Variants in OPCML observed in about 807,000 individuals in gnomAD.
OPCML encodes the protein opioid-binding protein/cell adhesion molecule.
Under a neutral mutation model 37.8 loss-of-function variants are expected in OPCML, and 13 were observed. The ratio of observed to expected loss-of-function variants is 0.34; its 90% confidence interval spans 0.22 to 0.55. The LOEUF is 0.55. Ranked by LOEUF, OPCML falls within the 20% of genes least tolerant of loss-of-function variation. OPCML has a pLI of 0.91. For missense variants in OPCML, 341 were observed against 435.6 expected (o/e 0.78, Z 1.93); for synonymous variants, 176 against 168.8 (o/e 1.04, Z -0.33).
intron 4 of OPCML, among the ~76,000 whole-genome samples, chr11:132,490,967 C>T (rs530172443): frequency 9.1e-4 from 138 of 152,276 alleles, no homozygotes; most frequent in African/African-American, 3.2e-3. Flanking sequence ...TACATGTGCA[C>T]AGGAACTCAG....
intron 1 of OPCML, among the ~76,000 whole-genome samples, chr11:133,204,556 A>G (rs1358528197): frequency 6.6e-6 from 1 of 152,184 alleles, no homozygotes; most frequent in East Asian, 1.9e-4. Flanking sequence ...AACCCACAAC[A>G]GAACTATGCA....
At chr11:132,813,402 T>C (rs1442369369) in intron 2 of OPCML, among the ~76,000 whole-genome samples, 1 of 152,224 alleles carries the variant, frequency 6.6e-6, no homozygotes, top group African/African-American at 2.4e-5. Flanking sequence ...CAAAAGTTCC[T>C]TTAATTCTGC....
chr11:133,223,024 G>T (rs985071570), intron 1 of OPCML, among the ~76,000 whole-genome samples: 1 of 152,216 alleles, frequency 6.6e-6, no homozygotes, highest in East Asian at 1.9e-4. Context: ...AACCATGGGT[G>T]CAAGAAGCAG....
intron 1 of OPCML, among the ~76,000 whole-genome samples, chr11:133,278,652 G>C (rs573821278): frequency 1.3e-5 from 2 of 152,000 alleles, no homozygotes; most frequent in Non-Finnish European, 2.9e-5. Context: ...ACTGCAGATA[G>C]TAGAAAGCCC....
At chr11:133,229,912 G>A (rs941558021) in intron 1 of OPCML, among the ~76,000 whole-genome samples, 2 of 152,190 alleles carry the variant, frequency 1.3e-5, no homozygotes, top group African/African-American at 4.8e-5. Flanking sequence ...TGTACATGTG[G>A]CGTGAATACA....
chr11:132,876,271 A>T (rs1943007132), intron 2 of OPCML, among the ~76,000 whole-genome samples: 1 of 152,190 alleles, frequency 6.6e-6, no homozygotes, highest in Non-Finnish European at 1.5e-5. Flanking sequence ...TCACAGAAGG[A>T]GGGGCAATTT....
intron 1 of OPCML, among the ~76,000 whole-genome samples, chr11:133,114,890 G>A (rs1488989557): frequency 2.6e-5 from 4 of 152,138 alleles, no homozygotes; most frequent in Admixed American, 6.5e-5. Context: ...TAGATGTTTT[G>A]TTGTACATTA....
intron 2 of OPCML, among the ~76,000 whole-genome samples, chr11:132,726,188 A>C (rs745922402): frequency 5.3e-5 from 8 of 152,224 alleles, no homozygotes; most frequent in Non-Finnish European, 7.3e-5. Context: ...AAAGACAGAC[A>C]TGAGACTGGG....
At chr11:133,482,630 C>T (rs1198399324) in intron 1 of OPCML, among the ~76,000 whole-genome samples, 3 of 151,988 alleles carry the variant, frequency 2.0e-5, no homozygotes, top group Non-Finnish European at 4.4e-5. Context: ...TCTGTCACCA[C>T]TGAAATCAGC....
intron 2 of OPCML, among the ~76,000 whole-genome samples, chr11:132,660,077 C>T (rs536683846): frequency 7.0e-4 from 106 of 152,206 alleles, no homozygotes; most frequent in South Asian, 5.8e-3. Flanking sequence ...GAGCACATTT[C>T]GTTAAGCAAT....
chr11:133,261,745 G>A (rs1941501855), intron 1 of OPCML, among the ~76,000 whole-genome samples: 1 of 152,220 alleles, frequency 6.6e-6, no homozygotes, highest in Non-Finnish European at 1.5e-5. Flanking sequence ...AGGAGAGGGG[G>A]AGAGAGAAGA....
At chr11:132,884,972 C>T (rs1010917929) in intron 2 of OPCML, among the ~76,000 whole-genome samples, 1 of 152,174 alleles carries the variant, frequency 6.6e-6, no homozygotes, top group Non-Finnish European at 1.5e-5. Flanking sequence ...GGAATTAGAG[C>T]CGAGTCCAAG....
At chr11:133,156,411 G>A (rs115188711) in intron 1 of OPCML, among the ~76,000 whole-genome samples, 31 of 152,264 alleles carry the variant, frequency 2.0e-4, no homozygotes, top group African/African-American at 7.0e-4. Flanking sequence ...TGGGGAGGGC[G>A]AGCCCCTTCC....
intron 3 of OPCML, among the ~76,000 whole-genome samples, chr11:132,601,575 C>A (rs1273681258): frequency 6.6e-6 from 1 of 152,146 alleles, no homozygotes; most frequent in African/African-American, 2.4e-5. Context: ...TAAAGGATAT[C>A]TGGTGAAATG....
Position 133,458,171 on chromosome 11 carries a change from CAT to C in OPCML, c.61+74091_61+74092del, listed in dbSNP as rs1565644510. Among the ~76,000 whole-genome samples, 34 of 145,052 alleles carry C rather than the reference CAT, an allele frequency of 2.3e-4. 2 individuals carry two copies. The highest frequency in any genetic ancestry group is 8.9e-4 in the African/African-American group (33 of 36,872). On this transcript the variant is annotated intron_variant, in intron 1 of 7. Transcript: ENST00000524381. ...GAGAAAAAATATATATATACATATA[CAT>C]ATATGTGTATATATACACATATATA...
At chr11:133,058,981 G>A (rs1051286357) in intron 1 of OPCML, among the ~76,000 whole-genome samples, 2 of 152,226 alleles carry the variant, frequency 1.3e-5, no homozygotes, top group Admixed American at 1.3e-4. Context: ...GAATTCCAGG[G>A]AAACTTTGCT....
At chr11:133,006,111 T>C (rs1159073979) in intron 1 of OPCML, 6 of 985,204 alleles carry the variant, frequency 6.1e-6, no homozygotes, top group South Asian at 4.7e-5. Flanking sequence ...CATGGGGTCA[T>C]TGTGAGACAG....
chr11:133,038,878 A>G (rs527590883), intron 1 of OPCML, among the ~76,000 whole-genome samples: 19 of 151,428 alleles, frequency 1.3e-4, no homozygotes, highest in African/African-American at 4.4e-4. Context: ...TCCTCCCCCA[A>G]GTCTCTGTGA....
At chr11:132,968,588 G>T (rs1946267248) in intron 1 of OPCML, among the ~76,000 whole-genome samples, 2 of 152,148 alleles carry the variant, frequency 1.3e-5, no homozygotes, top group Admixed American at 1.3e-4. Flanking sequence ...TGAGAGCAGA[G>T]CCATCATAAC....
Sources: allele counts gnomAD v4.1 joint callset (sites outside exome capture counted in the v4.1 genomes callset), GRCh38; gene constraint gnomAD v4.1.1; transcripts MANE v1.5; gene names NCBI Gene and HGNC (gene_info 2026-07-23, HGNC 2026-07-21).